SLC6A6: variants seen among roughly 807,000 people sequenced by gnomAD.
The protein encoded by SLC6A6 is solute carrier family 6 member 6.
SLC6A6 carries 16 observed loss-of-function variants against 68.8 expected under a neutral mutation model. The observed-to-expected ratio is 0.23, with a 90% CI of 0.16 to 0.35. The LOEUF is 0.35. SLC6A6 is among the 10% of genes least tolerant of loss of function. SLC6A6 has a pLI of 1.00. For missense variants in SLC6A6, 474 were observed against 802.8 expected (o/e 0.59, Z 4.95); for synonymous variants, 312 against 315.4 (o/e 0.99, Z 0.12).
At chr3:14,412,024 C>G (rs1363903620) in intron 1 of SLC6A6, among the ~76,000 whole-genome samples, 3 of 152,266 alleles carry the variant, frequency 2.0e-5, no homozygotes, top group Non-Finnish European at 4.4e-5. Context: ...TAAGTGAGTC[C>G]TTTCTCCTCC....
chr3:14,476,298 G>A (rs62233581), intron 10 of SLC6A6, among the ~76,000 whole-genome samples: 1,933 of 152,294 alleles, frequency 0.013, 16 homozygotes, highest in South Asian at 0.022. Flanking sequence ...GATCAATGGC[G>A]ATGCCTACCC....
chr3:14,430,573 G>C (rs773819342), intron 2 of SLC6A6, among the ~76,000 whole-genome samples: 11 of 152,228 alleles, frequency 7.2e-5, no homozygotes, highest in Non-Finnish European at 1.3e-4. Flanking sequence ...GGATTTTAGC[G>C]CTGAGCTTTT....
At chr3:14,479,732 G>C (rs145839356) in intron 13 of SLC6A6, among the ~76,000 whole-genome samples, 15 of 152,340 alleles carry the variant, frequency 9.8e-5, no homozygotes, top group Non-Finnish European at 1.8e-4. Context: ...AGTGTGCCAC[G>C]TTGTTCTTCC....
At chr3:14,458,221 G>GA in intron 6 of SLC6A6, 139 bp downstream of exon 6, 1 of 721,760 alleles carries the variant, frequency 1.4e-6, no homozygotes, top group South Asian at 1.6e-5. Flanking sequence ...CCGCCCTCTG[G>GA]AAAAAAGTAA....
intron 1 of SLC6A6, among the ~76,000 whole-genome samples, chr3:14,410,773 G>A (rs1057239913): frequency 2.0e-5 from 3 of 152,230 alleles, no homozygotes; most frequent in East Asian, 1.9e-4. Context: ...GCACATAAAT[G>A]CCAAGTGACT....
intron 14 of SLC6A6, among the ~76,000 whole-genome samples, chr3:14,484,619 G>A (rs928075722): frequency 6.6e-6 from 1 of 152,218 alleles, no homozygotes; most frequent in East Asian, 1.9e-4. Flanking sequence ...ACGTAAGCAG[G>A]GGTTTGGCCA....
chr3:14,459,092 A>T (rs954036018), intron 6 of SLC6A6, among the ~76,000 whole-genome samples: 8 of 152,212 alleles, frequency 5.3e-5, no homozygotes, highest in Non-Finnish European at 7.3e-5. Context: ...TGTGAGCCTG[A>T]ACCCAGGGCC....
chr3:14,478,260 C>G (rs918420126), intron 11 of SLC6A6, among the ~76,000 whole-genome samples: 2 of 152,162 alleles, frequency 1.3e-5, no homozygotes, highest in Admixed American at 1.3e-4. Flanking sequence ...CATCATTTTG[C>G]TTTCATTTAT....
At chr3:14,415,890 C>T (rs1285439726) in intron 1 of SLC6A6, among the ~76,000 whole-genome samples, 1 of 152,168 alleles carries the variant, frequency 6.6e-6, no homozygotes, top group Non-Finnish European at 1.5e-5. Context: ...GTCCCTGCGC[C>T]CCTTGGGAAT....
In SLC6A6 at chr3:14,468,312, GA is replaced by G. The variant is rs1187724520; in HGVS notation, c.1096+101del. The G allele has an allele frequency of 4.8e-6, 5 of 1,046,458 alleles. No individual in the cohort carries two copies. The highest frequency in any genetic ancestry group is 1.7e-5 in the African/African-American group (1 of 59,588). The allele number at this position is 1,046,458 out of a possible 1,614,324, so 64.8% of individuals were successfully genotyped here. On this transcript the variant is annotated intron_variant, in intron 9 of 14. Coordinates refer to ENST00000622186, the MANE Select transcript of SLC6A6 (RefSeq NM_003043.6). This position sits in a 1 kb window ranked among gnomAD's most constrained non-coding sequence, Gnocchi z 4.5. ...CAGACCCCAGGGGGCTTTGAGGGGGGACGAGCCTGGTTTCTAAAATGGACCC... is the reference window on the plus strand; with the variant it reads ...CAGACCCCAGGGGGCTTTGAGGGGGGCGAGCCTGGTTTCTAAAATGGACCC...
chr3:14,432,084 G>A (rs1040257410), intron 2 of SLC6A6, among the ~76,000 whole-genome samples: 7 of 152,296 alleles, frequency 4.6e-5, no homozygotes, highest in African/African-American at 7.2e-5. Context: ...GCTCCTGCAC[G>A]TGCACCCTTA....
intron 2 of SLC6A6, 26 bp downstream of exon 2, chr3:14,416,479 G>A (rs1478215724): frequency 2.5e-6 from 1 of 398,566 alleles, no homozygotes; most frequent in Non-Finnish European, 4.4e-6. Context: ...CCTCCAGGTG[G>A]GATGGGTGTC....
chr3:14,444,575 G>T (rs1700068916), intron 3 of SLC6A6, among the ~76,000 whole-genome samples: 1 of 152,186 alleles, frequency 6.6e-6, no homozygotes, highest in Admixed American at 6.5e-5. Context: ...GCCATGATGG[G>T]GTTGAAGAGA....
Position 14,472,192 on chromosome 3 carries a change from C to G in SLC6A6, c.1097-13C>G. 1.3e-6 allele frequency: 2 copies of G among 1,564,830 alleles called. No individual in the cohort carries two copies. Among genetic ancestry groups the G allele is most frequent in the Non-Finnish European group, 8.8e-7 (1 of 1,136,880 alleles). ...CCTCCCCTGTGCCCCTCCCCGTTTT[C>G]TTTCCTTTCTAGGTCCTGGCCTGGC... On this transcript the variant is annotated splice_polypyrimidine_tract_variant and intron_variant, in intron 9 of 14. Coordinates refer to ENST00000622186, the MANE Select transcript of SLC6A6 (RefSeq NM_003043.6). This position sits in a 1 kb window ranked among gnomAD's most constrained non-coding sequence, Gnocchi z 4.5.
chr3:14,475,407 A>C (rs1225533636), intron 10 of SLC6A6, among the ~76,000 whole-genome samples: 2 of 152,078 alleles, frequency 1.3e-5, no homozygotes, highest in Non-Finnish European at 2.9e-5. Flanking sequence ...CAAAGAGCTC[A>C]CCCAGCCCGC....
At position 14,479,127 on chromosome 3, in the gene SLC6A6, A is replaced by G. The variant is rs749190243; in HGVS notation, c.1493A>G (p.Tyr498Cys). 1 of 1,613,478 alleles carries G rather than the reference A, an allele frequency of 6.2e-7. No individual in the cohort carries two copies. Among genetic ancestry groups the G allele is most frequent in the South Asian group, 1.1e-5 (1 of 91,062 alleles). ...GATGGTATTGAGGACATGATTGGCT[A>G]TCGGCCCGGGCCCTGGATGAAGTAC... ...LYDGIEDMIG[Y>C]RPGPWMKYSW... Residue 498 changes from tyrosine to cysteine, a missense_variant, in exon 13 of 15, where the codon TAT (tyrosine) becomes TGT (cysteine). Physicochemically the swap from Tyr to Cys is radical, Grantham distance 194. Coordinates refer to ENST00000622186, the MANE Select transcript of SLC6A6 (RefSeq NM_003043.6).
rs912495598 is a variant in SLC6A6 at position 14,410,954 on chromosome 3, A to T, written c.-53-5458A>T. 2.0e-5 allele frequency: 3 copies of T among 152,424 alleles called. No individual in the cohort carries two copies. The East Asian group carries it at 5.8e-4, about 29-fold the overall frequency. 9.4% of individuals were successfully genotyped at this position (152,424 alleles called of 1,614,324 possible). ...CTCTCTTGCCCCAAGGCTAGTCAGC[A>T]CCATGAGGGAAGACTCAGGTCATGA... is the stretch of plus-strand genomic sequence containing the variant. On this transcript the variant is annotated intron_variant, in intron 1 of 14. Transcript: ENST00000622186.
intron 2 of SLC6A6, among the ~76,000 whole-genome samples, chr3:14,442,664 C>G (rs1272135936): frequency 1.3e-5 from 2 of 152,238 alleles, no homozygotes; most frequent in African/African-American, 4.8e-5. Flanking sequence ...AGAAGAGGCT[C>G]TGGCCTGGCT....
chr3:14,442,631 T>G (rs968400978), intron 2 of SLC6A6, among the ~76,000 whole-genome samples: 1 of 152,192 alleles, frequency 6.6e-6, no homozygotes, highest in African/African-American at 2.4e-5. Flanking sequence ...AGTGAGCACT[T>G]GGGGACCTTA....
Sources: allele counts gnomAD v4.1 joint callset (sites outside exome capture counted in the v4.1 genomes callset), GRCh38; gene constraint gnomAD v4.1.1; non-coding constraint Gnocchi (gnomAD v3.1); transcripts MANE v1.5; gene names NCBI Gene and HGNC (gene_info 2026-07-23, HGNC 2026-07-21).